Variants in FAM184A observed in about 807,000 individuals in gnomAD.
The protein encoded by FAM184A is family with sequence similarity 184 member A, also known as protein FAM184A.
FAM184A carries 99 observed loss-of-function variants against 143.8 expected under a neutral mutation model. The observed-to-expected ratio is 0.69, with a 90% confidence interval of 0.58 to 0.81. The LOEUF (loss-of-function observed/expected upper bound fraction) is 0.81, where lower values mean the gene tolerates loss of function less well. Among genes scored for constraint, FAM184A ranks in the 40% least tolerant of loss-of-function variants. FAM184A has a pLI of 0.00. For missense variants in FAM184A, 1,217 were observed against 1,310.5 expected, an observed-to-expected ratio of 0.93 and a Z score of 1.10; for synonymous variants, 427 against 446.4, an observed-to-expected ratio of 0.96 and a Z score of 0.55.
intron 9 of FAM184A, among the ~76,000 whole-genome samples, chr6:118,994,702 T>C (rs1360274433): frequency 7.5e-6 from 1 of 134,208 alleles, no homozygotes; most frequent in Non-Finnish European, 1.5e-5. Context: ...AATAAATAAA[T>C]AAATAAATAA....
At chr6:118,991,751 CTTTTTTTTTTTTTTTT>C (rs61476918) in intron 9 of FAM184A, among the ~76,000 whole-genome samples, 3 of 42,350 alleles carry the variant, frequency 7.1e-5, no homozygotes, top group African/African-American at 2.0e-4. Context: ...CCTGAGAGGA[CTTTTTTTTTTTTTTTT>C]TTTTTTTTTT....
At chr6:119,093,915 C>T (rs564254703) in intron 1 of FAM184A, among the ~76,000 whole-genome samples, 9 of 152,230 alleles carry the variant, frequency 5.9e-5, no homozygotes, top group African/African-American at 1.2e-4. Flanking sequence ...ATTCTGCCAC[C>T]CCTAAGATTG....
chr6:118,998,971 A>G (rs1306240813), intron 9 of FAM184A, among the ~76,000 whole-genome samples: 1 of 152,248 alleles, frequency 6.6e-6, no homozygotes, highest in African/African-American at 2.4e-5. Flanking sequence ...TGTAGGTGGT[A>G]AAGAGTAGAA....
intron 6 of FAM184A, among the ~76,000 whole-genome samples, chr6:119,010,098 A>G (rs1785045102): frequency 6.6e-6 from 1 of 152,212 alleles, no homozygotes; most frequent in Non-Finnish European, 1.5e-5. Flanking sequence ...AAAGAGAAGC[A>G]AACAAAACTT....
chr6:118,991,751 C>CCTTT (rs1784384644), intron 9 of FAM184A, among the ~76,000 whole-genome samples: 1 of 42,350 alleles, frequency 2.4e-5, no homozygotes, highest in African/African-American at 1.0e-4. Flanking sequence ...CCTGAGAGGA[C>CCTTT]TTTTTTTTTT....
intron 1 of FAM184A, among the ~76,000 whole-genome samples, chr6:119,085,870 A>G (rs1299131867): frequency 6.6e-6 from 1 of 152,180 alleles, no homozygotes; most frequent in African/African-American, 2.4e-5. Context: ...GAGCAGGAGA[A>G]AGAGAGAGTG....
At chr6:119,127,266 C>T (rs545229227) in intron 1 of FAM184A, among the ~76,000 whole-genome samples, 7 of 152,284 alleles carry the variant, frequency 4.6e-5, no homozygotes, top group African/African-American at 1.7e-4. Flanking sequence ...ATTTCACCTG[C>T]AAATCCCTTC....
In FAM184A at chr6:119,075,083, C is replaced by T. The variant is rs538642742; in HGVS notation, c.159+3058G>A. 2.0e-5 allele frequency among the ~76,000 whole-genome samples: 3 copies of T among 152,312 alleles called. No homozygotes were observed. The East Asian group carries it at 5.8e-4, about 29-fold the overall frequency. ...ATGGGCAAAATTATAATCTTTATTA[C>T]TTTTCATGCTTATCCTTTCATAGCC... is the stretch of plus-strand genomic sequence containing the variant. On this transcript the variant is annotated intron_variant, in intron 1 of 17. Coordinates refer to ENST00000338891, the MANE Select transcript of FAM184A (RefSeq NM_024581.6).
At chr6:119,017,001 G>C in intron 4 of FAM184A, 57 bp from the exon 5 acceptor site, 1 of 1,224,320 alleles carries the variant, frequency 8.2e-7, no homozygotes, top group African/African-American at 1.5e-5. Flanking sequence ...ACTGTTATTA[G>C]GGTAATTTGA....
At chr6:119,110,647 G>A (rs539519195) in intron 1 of FAM184A, among the ~76,000 whole-genome samples, 13 of 152,202 alleles carry the variant, frequency 8.5e-5, no homozygotes, top group Non-Finnish European at 1.5e-4. Context: ...GATGTGGCAA[G>A]ATTATGAATG....
intron 14 of FAM184A, among the ~76,000 whole-genome samples, chr6:118,972,356 T>C (rs1783721800): frequency 3.9e-5 from 6 of 152,318 alleles, no homozygotes; most frequent in South Asian, 2.1e-4. Context: ...ACAAAGCAGA[T>C]ACAAAACATT....
At chr6:119,085,771 G>A (rs1006327671) in intron 1 of FAM184A, among the ~76,000 whole-genome samples, 2 of 152,212 alleles carry the variant, frequency 1.3e-5, no homozygotes, top group Non-Finnish European at 2.9e-5. Context: ...TGCAGAGGAC[G>A]CATAGAAGCT....
chr6:119,102,784 CAAAAAAAAAAA>C (rs58686018), intron 1 of FAM184A, among the ~76,000 whole-genome samples: 4 of 30,112 alleles, frequency 1.3e-4, no homozygotes, highest in African/African-American at 4.9e-4. Context: ...GACTCCATCT[CAAAAAAAAAAA>C]AAAAAAAAAA....
chr6:119,060,138 T>C (rs756518837), intron 1 of FAM184A, among the ~76,000 whole-genome samples: 40 of 152,298 alleles, frequency 2.6e-4, no homozygotes, highest in Non-Finnish European at 5.4e-4. Flanking sequence ...CCAGGTACTG[T>C]TTTTAGGTAC....
intron 3 of FAM184A, among the ~76,000 whole-genome samples, chr6:119,022,443 T>C (rs184126919): frequency 2.6e-5 from 4 of 152,292 alleles, no homozygotes; most frequent in Admixed American, 6.5e-5. Context: ...AAGTTTTCTA[T>C]AAAAATATAT....
chr6:118,969,717 T>TA (rs1278588427), intron 14 of FAM184A, among the ~76,000 whole-genome samples: 2 of 151,564 alleles, frequency 1.3e-5, no homozygotes, highest in Non-Finnish European at 2.9e-5. Context: ...GCAGGTTTGT[T>TA]ACACAGGTAT....
At position 119,019,962 on chromosome 6, in the gene FAM184A, G is replaced by A. The variant is rs980415747; in HGVS notation, c.1332+16C>T. On this transcript the variant is annotated intron_variant, in intron 4 of 17. Coordinates refer to ENST00000338891, the MANE Select transcript of FAM184A (RefSeq NM_024581.6). ...GGAACTCTTTCGGGGGGAATGGAGT[G>A]TCCATTACTTTTTACCTTCTCCAGT... is the stretch of plus-strand genomic sequence containing the variant. 2.0e-6 allele frequency: 3 copies of A among 1,531,216 alleles called. No homozygotes were observed. Among genetic ancestry groups the A allele is most frequent in the Non-Finnish European group, 2.6e-6 (3 of 1,143,620 alleles). The allele number at this position is 1,531,216 out of a possible 1,614,324, so 94.9% of individuals were successfully genotyped here.
At chr6:119,135,988 A>G (rs1436491785) in intron 1 of FAM184A, among the ~76,000 whole-genome samples, 1 of 151,812 alleles carries the variant, frequency 6.6e-6, no homozygotes, top group East Asian at 1.9e-4. Context: ...AGCAGAAAGA[A>G]TATTTCCAGG....
At chr6:119,103,301 G>A (rs1788691854) in intron 1 of FAM184A, among the ~76,000 whole-genome samples, 1 of 152,186 alleles carries the variant, frequency 6.6e-6, no homozygotes, top group African/African-American at 2.4e-5. Context: ...TTGATGAGTA[G>A]CTACATCAAC....
Sources: allele counts gnomAD v4.1 joint callset (sites outside exome capture counted in the v4.1 genomes callset), GRCh38; gene constraint gnomAD v4.1.1; transcripts MANE v1.5; gene names NCBI Gene and HGNC (gene_info 2026-07-23, HGNC 2026-07-21).